The following ERMP1 variants were observed in gnomAD, a reference collection of about 807,000 sequenced individuals.
ERMP1 encodes endoplasmic reticulum metallopeptidase 1, also known as Felix-ina.
In ERMP1, 86 loss-of-function variants were observed where a neutral mutation model predicts 92.0. The observed-to-expected ratio is 0.93, with a 90% CI of 0.79 to 1.12. The LOEUF is 1.12. Ranked by LOEUF, ERMP1 falls within the 50% of genes most tolerant of loss-of-function variation. The pLI is 0.00. For missense variants in ERMP1, 1,342 were observed against 1,116.3 expected, an observed-to-expected ratio of 1.20 and a Z score of -2.88; for synonymous variants, 530 against 412.8, an observed-to-expected ratio of 1.28 and a Z score of -3.44.
intron 4 of ERMP1, among the ~76,000 whole-genome samples, chr9:5,822,644 T>A (rs937611949): frequency 1.3e-5 from 2 of 152,196 alleles, no homozygotes; most frequent in African/African-American, 4.8e-5. Flanking sequence ...CAACACACTC[T>A]TGAATATTAA....
chr9:5,866,664 T>A (rs865940767), intron 5 of ERMP1, among the ~76,000 whole-genome samples: 1 of 152,196 alleles, frequency 6.6e-6, no homozygotes, highest in South Asian at 2.1e-4. Context: ...GAACAGAAGG[T>A]CTTCAAACCC....
At chr9:5,810,448 C>T (rs1230018642) in intron 7 of ERMP1, among the ~76,000 whole-genome samples, 1 of 152,078 alleles carries the variant, frequency 6.6e-6, no homozygotes, top group Non-Finnish European at 1.5e-5. Flanking sequence ...TCTCTAGATA[C>T]TAAACACTCA....
Position 5,825,180 on chromosome 9 carries a change from T to C in ERMP1, c.680A>G (p.Glu227Gly). ...AGATGTTGACAAGACGCGAAGGACT[T>C]CCAGCATCACTGAGCAGCTAACTGC... ...DDAVSCSVMLEVLRVLSTSSE... is the reference protein window; with the variant it reads ...DDAVSCSVMLGVLRVLSTSSE... The change falls in exon 3 of 15, where the codon GAA becomes GGA. Residue 227 changes from glutamate (E) to glycine (G), a missense_variant. Coordinates refer to ENST00000339450, the MANE Select transcript of ERMP1 (RefSeq NM_024896.3). 6.2e-7 allele frequency: 1 copy of C among 1,614,084 alleles called. No homozygotes were observed. Among genetic ancestry groups the C allele is most frequent in the South Asian group, 1.1e-5 (1 of 91,040 alleles).
intron 4 of ERMP1, among the ~76,000 whole-genome samples, chr9:5,818,044 A>G (rs146580286): frequency 2.4e-4 from 37 of 152,100 alleles, no homozygotes; most frequent in Non-Finnish European, 4.7e-4. Flanking sequence ...GGATCTATCG[A>G]TTTTGGTGGA....
chr9:5,821,890 T>C (rs1829550050), intron 4 of ERMP1, among the ~76,000 whole-genome samples: 1 of 152,208 alleles, frequency 6.6e-6, no homozygotes, highest in Admixed American at 6.5e-5. Context: ...CCTTCAGAAT[T>C]TTCTTTTGCT....
Position 5,824,671 on chromosome 9 carries a change from G to C in ERMP1, c.768+421C>G, listed in dbSNP as rs541803055. On this transcript the variant is annotated intron_variant, in intron 3 of 14. Coordinates refer to ENST00000339450, the MANE Select transcript of ERMP1 (RefSeq NM_024896.3). ...CTGCCTCGGCCTCCCAAAGTGCTGG[G>C]ATTATAGGCATGAGCCAGCGTGCCT... Among the ~76,000 whole-genome samples, 19 of 151,772 alleles carry C rather than the reference G, an allele frequency of 1.3e-4. No individual in the cohort carries two copies. In the East Asian group the frequency reaches 3.5e-3, roughly 28 times the overall value.
At chr9:5,818,778 G>A (rs1829417856) in intron 4 of ERMP1, among the ~76,000 whole-genome samples, 1 of 151,926 alleles carries the variant, frequency 6.6e-6, no homozygotes. Context: ...TATTTCTGCA[G>A]GTTAAATTCC....
intron 13 of ERMP1, among the ~76,000 whole-genome samples, chr9:5,792,676 T>C (rs975311347): frequency 1.3e-5 from 2 of 152,176 alleles, no homozygotes; most frequent in Admixed American, 1.3e-4. Context: ...GACTTACCTA[T>C]TGTTTAAAAG....
At chr9:5,803,589 C>T (rs539705212) in intron 10 of ERMP1, among the ~76,000 whole-genome samples, 1 of 151,942 alleles carries the variant, frequency 6.6e-6, no homozygotes, top group East Asian at 1.9e-4. Flanking sequence ...AACAAATAAA[C>T]GGGGGTGTGG....
chr9:5,866,720 A>G (rs577428231), intron 5 of ERMP1, among the ~76,000 whole-genome samples: 18 of 152,278 alleles, frequency 1.2e-4, no homozygotes, highest in East Asian at 1.2e-3. Flanking sequence ...TTTTTTCAAA[A>G]ATCTGAGTGG....
chr9:5,821,934 T>C (rs1829551864), intron 4 of ERMP1, among the ~76,000 whole-genome samples: 1 of 152,200 alleles, frequency 6.6e-6, no homozygotes. Flanking sequence ...CATGTATGTG[T>C]TCCTCCTATC....
chr9:5,859,298 G>T (rs1330625985), intron 6 of ERMP1, among the ~76,000 whole-genome samples: 2 of 123,318 alleles, frequency 1.6e-5, no homozygotes, highest in Non-Finnish European at 3.7e-5. Context: ...TACTCTCTTG[G>T]GAGTGACTTG....
At chr9:5,857,901 C>G (rs1830400085) in intron 6 of ERMP1, among the ~76,000 whole-genome samples, 1 of 152,200 alleles carries the variant, frequency 6.6e-6, no homozygotes, top group African/African-American at 2.4e-5. Context: ...CGACCCCATT[C>G]TCTAAGGGCT....
At chr9:5,862,970 A>C (rs1166376536) in intron 5 of ERMP1, among the ~76,000 whole-genome samples, 4 of 152,242 alleles carry the variant, frequency 2.6e-5, no homozygotes, top group Non-Finnish European at 5.9e-5. Context: ...CAAGAGGAAG[A>C]GACTAAAACA....
chr9:5,825,492 A>T (rs910467968), intron 2 of ERMP1, among the ~76,000 whole-genome samples: 1 of 152,240 alleles, frequency 6.6e-6, no homozygotes, highest in African/African-American at 2.4e-5. Context: ...TAAATGAAGT[A>T]ACCTGAGGGG....
chr9:5,864,243 G>C (rs1830584541), intron 5 of ERMP1, among the ~76,000 whole-genome samples: 1 of 152,166 alleles, frequency 6.6e-6, no homozygotes, highest in Non-Finnish European at 1.5e-5. Context: ...AAAGGAAATA[G>C]GATCTCTGGG....
At chr9:5,823,390 T>G (rs1254466653) in intron 4 of ERMP1, among the ~76,000 whole-genome samples, 1 of 152,210 alleles carries the variant, frequency 6.6e-6, no homozygotes, top group Non-Finnish European at 1.5e-5. Flanking sequence ...ACAGGTAAAT[T>G]TTCTCATTTT....
At chr9:5,864,354 A>G (rs1326338318) in intron 5 of ERMP1, among the ~76,000 whole-genome samples, 1 of 151,476 alleles carries the variant, frequency 6.6e-6, no homozygotes, top group Non-Finnish European at 1.5e-5. Context: ...AGCAGGCAAG[A>G]CTCCTCACCA....
At position 5,786,047 on chromosome 9, in the gene ERMP1, GTC is replaced by G. The variant is rs1284681661; in HGVS notation, c.*1095_*1096del. 1.3e-5 allele frequency: 2 copies of G among 152,126 alleles called. No individual in the cohort carries two copies. The highest frequency in any genetic ancestry group is 2.9e-5 in the Non-Finnish European group (2 of 68,042). 9.4% of individuals were successfully genotyped at this position (152,126 alleles called of 1,614,324 possible). A position where few individuals can be genotyped will look rare whatever the true frequency, so the allele number is the denominator to read the frequency against. On this transcript the variant is annotated 3_prime_UTR_variant, in exon 15 of 15. Coordinates refer to ENST00000339450, the MANE Select transcript of ERMP1 (RefSeq NM_024896.3). ...ATCTGAACCACCTACACGTACAGTG[GTC>G]TCATTCCAGTATAAGCCACAACCTC...
Sources: allele counts gnomAD v4.1 joint callset (sites outside exome capture counted in the v4.1 genomes callset), GRCh38; gene constraint gnomAD v4.1.1; transcripts MANE v1.5; gene names NCBI Gene and HGNC (gene_info 2026-07-23, HGNC 2026-07-21).